Variants in RBFOX1 observed in about 807,000 individuals in gnomAD.
RBFOX1 encodes the protein RNA binding fox-1 homolog 1.
A neutral mutation model predicts 57.7 loss-of-function variants in RBFOX1; 8 were observed. That is an observed-to-expected ratio of 0.14 (90% confidence interval 0.08 to 0.25). RBFOX1 has a LOEUF of 0.25. Ranked by LOEUF, RBFOX1 falls within the 10% of genes least tolerant of loss-of-function variation. The pLI is 1.00. For synonymous variants in RBFOX1, 326 were observed against 222.4 expected (o/e 1.47, Z -4.15); for missense variants, 611 against 548.5 (o/e 1.11, Z -1.14).
chr16:5,856,941 A>G (rs1169821232), intron 3 of RBFOX1, among the ~76,000 whole-genome samples: 2 of 152,114 alleles, frequency 1.3e-5, no homozygotes, highest in Non-Finnish European at 2.9e-5. Flanking sequence ...AATTTCTTTC[A>G]GTAACTTTTC....
At chr16:5,826,358 G>A (rs2056055445) in intron 3 of RBFOX1, among the ~76,000 whole-genome samples, 1 of 152,122 alleles carries the variant, frequency 6.6e-6, no homozygotes, top group South Asian at 2.1e-4. Flanking sequence ...CCCAGTAGAT[G>A]TCCAGCTGTT....
chr16:5,282,019 T>C (rs1428165578), intron 1 of RBFOX1, among the ~76,000 whole-genome samples: 1 of 152,220 alleles, frequency 6.6e-6, no homozygotes, highest in Admixed American at 6.5e-5. Flanking sequence ...CACTCAGATG[T>C]CATCTTGAAT....
At chr16:6,727,820 T>G (rs1297485410) in intron 3 of RBFOX1, among the ~76,000 whole-genome samples, 1 of 152,198 alleles carries the variant, frequency 6.6e-6, no homozygotes, top group Non-Finnish European at 1.5e-5. Flanking sequence ...TCCAGGACAT[T>G]TGACTTTGTT....
intron 4 of RBFOX1, among the ~76,000 whole-genome samples, chr16:7,111,927 C>A (rs1263241656): frequency 6.6e-6 from 1 of 152,112 alleles, no homozygotes; most frequent in South Asian, 2.1e-4. Flanking sequence ...TGGTCTCATT[C>A]ACAATTGATA....
intron 1 of RBFOX1, among the ~76,000 whole-genome samples, chr16:5,371,546 C>T (rs2065857049): frequency 1.3e-5 from 2 of 152,302 alleles, no homozygotes; most frequent in South Asian, 4.2e-4. Flanking sequence ...TTATGGCAGC[C>T]CTAGCAGACT....
intron 1 of RBFOX1, among the ~76,000 whole-genome samples, chr16:5,454,919 GT>G (rs1567535405): frequency 1.5e-3 from 55 of 36,738 alleles, no homozygotes; most frequent in Non-Finnish European, 2.2e-3. Context: ...TCTTTCCTTT[GT>G]TTCTTTCTTC....
chr16:5,328,990 TA>T (rs2064668138), intron 1 of RBFOX1, among the ~76,000 whole-genome samples: 1 of 152,240 alleles, frequency 6.6e-6, no homozygotes, highest in Admixed American at 6.5e-5. Context: ...TCTCTTGGTC[TA>T]AGCTAGCTTA....
intron 3 of RBFOX1, among the ~76,000 whole-genome samples, chr16:5,689,400 A>G (rs747724018): frequency 1.3e-5 from 2 of 152,196 alleles, no homozygotes; most frequent in African/African-American, 4.8e-5. Flanking sequence ...AATGGTAACT[A>G]TGATTGTGGG....
intron 1 of RBFOX1, among the ~76,000 whole-genome samples, chr16:6,251,565 C>G (rs1161963485): frequency 6.6e-6 from 1 of 151,850 alleles, no homozygotes; most frequent in Non-Finnish European, 1.5e-5. Flanking sequence ...TTTGCTAAAG[C>G]CTCCCCCTAC....
chr16:6,135,504 G>A (rs1470935335), intron 1 of RBFOX1, among the ~76,000 whole-genome samples: 2 of 152,018 alleles, frequency 1.3e-5, no homozygotes, highest in African/African-American at 2.4e-5. Context: ...CAAATTGGAG[G>A]GATCACAGAT....
intron 1 of RBFOX1, among the ~76,000 whole-genome samples, chr16:6,241,542 T>C (rs1358099381): frequency 6.6e-6 from 1 of 152,196 alleles, no homozygotes; most frequent in Admixed American, 6.5e-5. Flanking sequence ...GCAAGAGCAA[T>C]ACACAGTTAG....
intron 1 of RBFOX1, among the ~76,000 whole-genome samples, chr16:5,433,712 G>T (rs993245807): frequency 1.1e-4 from 16 of 152,288 alleles, no homozygotes; most frequent in South Asian, 2.1e-4. Context: ...CTGAATAACT[G>T]CTTTCCCTCT....
chr16:5,370,272 C>G (rs1751111225), intron 1 of RBFOX1, among the ~76,000 whole-genome samples: 1 of 152,066 alleles, frequency 6.6e-6, no homozygotes, highest in African/African-American at 2.4e-5. Flanking sequence ...AGACTTGTAA[C>G]AGACAAGCCC....
intron 3 of RBFOX1, among the ~76,000 whole-genome samples, chr16:7,016,169 C>A (rs529444242): frequency 3.0e-4 from 46 of 152,230 alleles, no homozygotes; most frequent in Non-Finnish European, 5.6e-4. Context: ...CCATCCCTTG[C>A]CGCGGTGAAT....
chr16:7,412,958 C>T (rs1288261303), intron 4 of RBFOX1, among the ~76,000 whole-genome samples: 9 of 152,280 alleles, frequency 5.9e-5, no homozygotes, highest in East Asian at 1.9e-4. Context: ...AGGAGAATGG[C>T]GTGAACCCGG....
chr16:5,612,753 G>A (rs186854146), intron 3 of RBFOX1, among the ~76,000 whole-genome samples: 3 of 152,366 alleles, frequency 2.0e-5, no homozygotes, highest in Admixed American at 2.0e-4. Flanking sequence ...AGTTCAGGGA[G>A]GAGGAGCATT....
intron 4 of RBFOX1, among the ~76,000 whole-genome samples, chr16:7,438,587 A>G (rs759453179): frequency 1.1e-4 from 17 of 152,136 alleles, no homozygotes; most frequent in African/African-American, 1.7e-4. Flanking sequence ...CTGAATCCCA[A>G]ACTTGTGTGC....
At chr16:6,896,671 C>G (rs1188666609) in intron 3 of RBFOX1, among the ~76,000 whole-genome samples, 1 of 152,154 alleles carries the variant, frequency 6.6e-6, no homozygotes, top group African/African-American at 2.4e-5. Flanking sequence ...ATCATCAACG[C>G]CATATAAGTG....
At chr16:7,391,003 T>C (rs536575908) in intron 4 of RBFOX1, among the ~76,000 whole-genome samples, 20 of 152,292 alleles carry the variant, frequency 1.3e-4, no homozygotes, top group African/African-American at 4.1e-4. Context: ...GGGTCTTCCT[T>C]GCTGACCCTC....
Sources: gnomAD v4.1 joint callset for allele counts (sites outside exome capture counted in the v4.1 genomes callset) on GRCh38, gnomAD v4.1.1 for gene constraint, MANE v1.5 for transcripts, NCBI Gene and HGNC (gene_info 2026-07-23, HGNC 2026-07-21) for gene names.